FAM184A: variants seen among roughly 807,000 people sequenced by gnomAD.
The protein encoded by FAM184A is protein FAM184A.
A neutral mutation model predicts 143.8 loss-of-function variants in FAM184A; 99 were observed. The ratio of observed to expected loss-of-function variants is 0.69; its 90% CI spans 0.58 to 0.81. FAM184A has a LOEUF of 0.81. Ranked by LOEUF, FAM184A falls within the 40% of genes least tolerant of loss-of-function variation. The pLI, the probability that FAM184A is intolerant of heterozygous loss-of-function variation, is 0.00. For missense variants in FAM184A, 1,217 were observed against 1,310.5 expected (o/e 0.93, Z 1.10); for synonymous variants, 427 against 446.4 (o/e 0.96, Z 0.55).
At chr6:119,075,860 A>G (rs1482781557) in intron 1 of FAM184A, among the ~76,000 whole-genome samples, 1 of 152,180 alleles carries the variant, frequency 6.6e-6, no homozygotes, top group African/African-American at 2.4e-5. Context: ...AAATTTGACA[A>G]CTTTCAAAAT....
At chr6:119,114,061 T>G (rs753016119) in intron 1 of FAM184A, among the ~76,000 whole-genome samples, 12 of 152,236 alleles carry the variant, frequency 7.9e-5, no homozygotes, top group Non-Finnish European at 1.8e-4. Context: ...ATCATAGGTA[T>G]GTATGTATAG....
intron 1 of FAM184A, among the ~76,000 whole-genome samples, chr6:119,089,493 G>A (rs541207330): frequency 3.9e-4 from 59 of 152,200 alleles, no homozygotes; most frequent in African/African-American, 1.3e-3. Flanking sequence ...TGTAGAGATG[G>A]GATCTTGCTA....
intron 1 of FAM184A, among the ~76,000 whole-genome samples, chr6:119,126,251 A>G (rs1377959698): frequency 6.6e-6 from 1 of 152,156 alleles, no homozygotes; most frequent in Non-Finnish European, 1.5e-5. Context: ...AAAGTCAGCA[A>G]TGGAGAATCT....
chr6:119,016,763 T>C lies in FAM184A; in HGVS notation c.1514A>G (p.Lys505Arg), dbSNP rs758323567. The C allele has an allele frequency of 1.2e-6, 2 of 1,613,368 alleles. No homozygotes were observed. Among genetic ancestry groups the C allele is most frequent in the Non-Finnish European group, 1.7e-6 (2 of 1,179,714 alleles). ...TTTACTCACCATTTGCAGTTTTTTCTTATCCCTAATTGCATTACTGTGGAC... is the reference window on the plus strand; with the variant it reads ...TTTACTCACCATTTGCAGTTTTTTCCTATCCCTAATTGCATTACTGTGGAC... ...EAVHSNAIRDKKKLQMDLEEQ... is the reference protein window; with the variant it reads ...EAVHSNAIRDRKKLQMDLEEQ... The change falls in exon 5 of 18, where the codon AAG becomes AGG. Residue 505 changes from lysine to arginine, a missense_variant. Coordinates refer to ENST00000338891, the MANE Select transcript of FAM184A (RefSeq NM_024581.6).
intron 1 of FAM184A, among the ~76,000 whole-genome samples, chr6:119,139,177 T>G (rs544453563): frequency 7.9e-5 from 12 of 152,342 alleles, no homozygotes; most frequent in Non-Finnish European, 1.5e-5. Context: ...CTTTTAGTTT[T>G]GTTCTCAGTG....
chr6:119,007,141 T>G (rs1784945720), intron 6 of FAM184A, among the ~76,000 whole-genome samples: 1 of 152,192 alleles, frequency 6.6e-6, no homozygotes, highest in African/African-American at 2.4e-5. Context: ...GAGTTGAATT[T>G]ATACACTCGA....
intron 1 of FAM184A, among the ~76,000 whole-genome samples, chr6:119,105,755 C>T (rs1352712819): frequency 2.6e-5 from 4 of 152,190 alleles, no homozygotes; most frequent in African/African-American, 7.2e-5. Flanking sequence ...TAATTTTCAT[C>T]TAATACAAAG....
intron 9 of FAM184A, among the ~76,000 whole-genome samples, chr6:118,981,785 T>A (rs1350956988): frequency 1.3e-5 from 2 of 152,226 alleles, no homozygotes. Context: ...TATGGCTTTA[T>A]GGAAACAGTC....
In FAM184A at chr6:119,078,386, G is replaced by A. The variant is rs1787956751; in HGVS notation, c.-87C>T. 3 of 1,308,438 alleles carry A rather than the reference G, an allele frequency of 2.3e-6. No homozygotes were observed. The highest frequency in any genetic ancestry group is 3.0e-6 in the Non-Finnish European group (3 of 1,014,578). The allele number at this position is 1,308,438 out of a possible 1,614,324, so 81.1% of individuals were successfully genotyped here. ...ACGACGCCCGGGAGGCAAGAGTCGC[G>A]GCGGCCGCTTCCCGACCCGACACCC... On this transcript the variant is annotated 5_prime_UTR_variant, in exon 1 of 18. Coordinates refer to ENST00000338891, the MANE Select transcript of FAM184A (RefSeq NM_024581.6). The surrounding 1 kb of genome is among the most constrained non-coding windows in gnomAD (Gnocchi z 5.5).
chr6:118,979,645 G>C, intron 10 of FAM184A, 127 bp from the exon 11 acceptor site: 1 of 684,816 alleles, frequency 1.5e-6, no homozygotes, highest in Non-Finnish European at 2.3e-6. Context: ...TCATTTTCAA[G>C]AAAACTAGAC....
At chr6:119,073,522 A>C (rs1787766034) in intron 1 of FAM184A, among the ~76,000 whole-genome samples, 1 of 152,174 alleles carries the variant, frequency 6.6e-6, no homozygotes. Context: ...GAGTGCTGAG[A>C]TGTGTTACTT....
Position 119,138,101 on chromosome 6 carries a change from T to C in FAM184A, c.-202+10977A>G, listed in dbSNP as rs544299795. On this transcript the variant is annotated intron_variant, in intron 1 of 16. Transcript: ENST00000352896. ...GTCTTTCAAGTTTTGTGCTAGGTAT[T>C]GAGAAGTCAGTGATACATACTATGA... is the stretch of plus-strand genomic sequence containing the variant. 2.3e-4 allele frequency among the ~76,000 whole-genome samples: 35 copies of C among 152,326 alleles called. 1 individual carries two copies. The highest frequency in any genetic ancestry group is 6.8e-3 in the Middle Eastern group (2 of 294).
In FAM184A at chr6:119,024,345, C is replaced by T. The variant is rs1204935360; in HGVS notation, c.628G>A (p.Ala210Thr). Residue 210 changes from alanine (A) to threonine (T), a missense_variant, in exon 2 of 18, where the codon GCC becomes ACC. Transcript: ENST00000338891. The part of the protein sequence containing the change: ...ELLKSQQDHS[A>T]SVNKGQEKAE... ...TTTTCCTGGCCTTTATTTACTGAGG[C>T]ACTGTGATCCTGCTGTGACTTCAAT... The T allele has an allele frequency of 6.2e-7, 1 of 1,614,188 alleles. No homozygotes were observed. Among genetic ancestry groups the T allele is most frequent in the Non-Finnish European group, 8.5e-7 (1 of 1,180,026 alleles).
At chr6:119,025,400 C>T in intron 1 of FAM184A, 1 of 514,602 alleles carries the variant, frequency 1.9e-6, no homozygotes, top group Non-Finnish European at 3.9e-6. Context: ...CTTCAAGTTT[C>T]TAGTGATCTC....
intron 9 of FAM184A, among the ~76,000 whole-genome samples, chr6:118,997,004 G>A (rs779318766): frequency 3.9e-4 from 54 of 139,662 alleles, no homozygotes; most frequent in Admixed American, 5.4e-4. Context: ...GATTACAGGC[G>A]TGAGCCACCA....
chr6:118,965,207 T>TG (rs1554264208), intron 15 of FAM184A, among the ~76,000 whole-genome samples: 19 of 137,808 alleles, frequency 1.4e-4, no homozygotes, highest in Middle Eastern at 3.7e-3. Flanking sequence ...TTTTGTTTGT[T>TG]TTTTTTTTTT....
chr6:118,999,682 T>A (rs1784686530), intron 9 of FAM184A, among the ~76,000 whole-genome samples: 2 of 152,186 alleles, frequency 1.3e-5, no homozygotes, highest in Admixed American at 1.3e-4. Context: ...CCTGACCAGT[T>A]GTATGCTGGT....
At chr6:119,084,361 G>A (rs983670259) in intron 1 of FAM184A, among the ~76,000 whole-genome samples, 1 of 152,168 alleles carries the variant, frequency 6.6e-6, no homozygotes, top group South Asian at 2.1e-4. Flanking sequence ...AGTTTCTTTT[G>A]AGTTTGAAAC....
chr6:119,126,689 G>A (rs1424148805), intron 1 of FAM184A, among the ~76,000 whole-genome samples: 1 of 152,232 alleles, frequency 6.6e-6, no homozygotes, highest in African/African-American at 2.4e-5. Context: ...TAAAGGCTCA[G>A]TGAAGCCTCT....
Sources: allele counts gnomAD v4.1 joint callset (sites outside exome capture counted in the v4.1 genomes callset), GRCh38; gene constraint gnomAD v4.1.1; non-coding constraint Gnocchi (gnomAD v3.1); transcripts MANE v1.5; gene names NCBI Gene and HGNC (gene_info 2026-07-23, HGNC 2026-07-21).